The following DOCK2 variants were observed in gnomAD, a reference collection of about 807,000 sequenced individuals.
DOCK2 encodes dedicator of cytokinesis protein 2.
A neutral mutation model predicts 248.9 loss-of-function variants in DOCK2; 87 were observed. The observed-to-expected ratio is 0.35, with a 90% CI of 0.29 to 0.42. DOCK2 has a LOEUF of 0.42. Among genes scored for constraint, DOCK2 ranks in the 10% least tolerant of loss-of-function variants. The pLI, the probability that DOCK2 is intolerant of heterozygous loss-of-function variation, is 1.00. For missense variants in DOCK2, 1,747 were observed against 2,300.2 expected, an observed-to-expected ratio of 0.76 and a Z score of 4.92; for synonymous variants, 805 against 821.6, an observed-to-expected ratio of 0.98 and a Z score of 0.35.
chr5:169,708,731 A>G (rs567611274), intron 15 of DOCK2, among the ~76,000 whole-genome samples: 1 of 152,082 alleles, frequency 6.6e-6, no homozygotes, highest in East Asian at 1.9e-4. Flanking sequence ...CACCAGGCTA[A>G]TTTTTGTGTT....
chr5:170,031,659 C>G (rs1175375583), intron 34 of DOCK2, among the ~76,000 whole-genome samples: 1 of 152,140 alleles, frequency 6.6e-6, no homozygotes, highest in Non-Finnish European at 1.5e-5. Context: ...AGACTGTGAT[C>G]TCCTGGAACT....
chr5:169,682,321 CAGGCCTGGG>C (rs1353831626), intron 7 of DOCK2, among the ~76,000 whole-genome samples: 1 of 152,220 alleles, frequency 6.6e-6, no homozygotes, highest in Non-Finnish European at 1.5e-5. Context: ...GTGAGGGCAC[CAGGCCTGGG>C]ATGATCTGGG....
chr5:169,884,387 G>A (rs1330541437), intron 27 of DOCK2: 1 of 152,678 alleles, frequency 6.5e-6, no homozygotes, highest in East Asian at 1.9e-4. Context: ...TAATTTCCAG[G>A]GTGAAACTGC....
chr5:169,994,497 C>T (rs899626023), intron 29 of DOCK2, among the ~76,000 whole-genome samples: 1 of 152,042 alleles, frequency 6.6e-6, no homozygotes, highest in African/African-American at 2.4e-5. Context: ...AAAGTGTGCT[C>T]ATAGGAGGGG....
intron 27 of DOCK2, chr5:169,875,436 T>A: frequency 2.6e-6 from 1 of 386,124 alleles, no homozygotes; most frequent in South Asian, 1.9e-5. Context: ...TCAGTGACAA[T>A]CGAACATTCC....
intron 6 of DOCK2, among the ~76,000 whole-genome samples, chr5:169,679,922 C>A (rs750196646): frequency 1.8e-4 from 28 of 152,200 alleles, no homozygotes; most frequent in Non-Finnish European, 3.8e-4. Context: ...TTAGTAGTCG[C>A]AACCAAGCAG....
At chr5:169,776,760 C>G (rs1765409851) in intron 25 of DOCK2, among the ~76,000 whole-genome samples, 1 of 152,198 alleles carries the variant, frequency 6.6e-6, no homozygotes, top group Non-Finnish European at 1.5e-5. Flanking sequence ...AGGCTTCCCC[C>G]TTTGCTCGCC....
At chr5:169,983,300 C>T in intron 28 of DOCK2, 134 bp downstream of exon 28, 1 of 953,034 alleles carries the variant, frequency 1.0e-6, no homozygotes, top group Non-Finnish European at 1.6e-6. Flanking sequence ...TGATGAATCA[C>T]AGACATTTTG....
chr5:169,905,414 G>C (rs1774222214), intron 27 of DOCK2, among the ~76,000 whole-genome samples: 1 of 152,112 alleles, frequency 6.6e-6, no homozygotes, highest in African/African-American at 2.4e-5. Context: ...CTGAAAGCCA[G>C]CTGCCCCTTG....
rs1378958056 is a variant in DOCK2, at chr5:169,864,343, G to T, written c.2799+23491G>T. 8 of 1,551,378 alleles carry T rather than the reference G, an allele frequency of 5.2e-6. No homozygotes were observed. The Admixed American group carries it at 1.4e-4, about 27-fold the overall frequency. The stretch of plus-strand genomic sequence containing the variant: ...CCTTAAGTCCTGCTTTTCCGGGGCT[G>T]GGGGTTCTGCTGGGGACTTTGGTGG... On this transcript the variant is annotated intron_variant, in intron 27 of 51. Transcript: ENST00000520908.
At chr5:169,782,730 AG>A (rs1765782246) in intron 25 of DOCK2, among the ~76,000 whole-genome samples, 1 of 152,130 alleles carries the variant, frequency 6.6e-6, no homozygotes, top group Admixed American at 6.6e-5. Context: ...CCTTGCCTAG[AG>A]GGGATTTCAT....
chr5:169,745,038 G>T (rs933527372), intron 22 of DOCK2, among the ~76,000 whole-genome samples: 2 of 152,210 alleles, frequency 1.3e-5, no homozygotes, highest in East Asian at 3.9e-4. Flanking sequence ...TAGCAGCCAT[G>T]GTGATGGAAT....
chr5:169,958,523 G>T (rs1776955218), intron 27 of DOCK2, among the ~76,000 whole-genome samples: 1 of 151,874 alleles, frequency 6.6e-6, no homozygotes, highest in Non-Finnish European at 1.5e-5. Context: ...CATTAGCCCA[G>T]CCCCCTTTCC....
At chr5:169,921,024 A>G (rs1469304413) in intron 27 of DOCK2, among the ~76,000 whole-genome samples, 2 of 152,202 alleles carry the variant, frequency 1.3e-5, no homozygotes, top group Admixed American at 1.3e-4. Flanking sequence ...TTGCAAGAAT[A>G]TGTTTTATTC....
intron 19 of DOCK2, 143 bp from the exon 20 acceptor site, chr5:169,716,070 G>A: frequency 1.4e-6 from 1 of 707,186 alleles, no homozygotes; most frequent in Non-Finnish European, 2.3e-6. Context: ...GCTCTCGTGA[G>A]TAAAACTACT....
chr5:170,047,755 C>A, intron 40 of DOCK2, 141 bp downstream of exon 40: 1 of 661,872 alleles, frequency 1.5e-6, no homozygotes, highest in Non-Finnish European at 2.5e-6. Context: ...CCCCAGGAGA[C>A]TCCCCAGTCA....
intron 25 of DOCK2, among the ~76,000 whole-genome samples, chr5:169,790,700 C>T (rs138187001): frequency 5.3e-5 from 8 of 152,320 alleles, no homozygotes; most frequent in African/African-American, 7.2e-5. Flanking sequence ...AGCATTGGAT[C>T]CCAATGCCTC....
At chr5:170,066,287 TA>T (rs1008907613) in intron 44 of DOCK2, among the ~76,000 whole-genome samples, 5 of 149,102 alleles carry the variant, frequency 3.4e-5, no homozygotes, top group Admixed American at 1.3e-4. Flanking sequence ...TGAAAAACTG[TA>T]AAAAAAAACA....
intron 29 of DOCK2, among the ~76,000 whole-genome samples, chr5:169,995,159 G>T (rs1754567897): frequency 1.3e-5 from 2 of 151,704 alleles, no homozygotes; most frequent in Admixed American, 1.3e-4. Context: ...TTCCCAAGTA[G>T]CTGGGATTAC....
Sources: allele counts gnomAD v4.1 joint callset (sites outside exome capture counted in the v4.1 genomes callset), GRCh38; gene constraint gnomAD v4.1.1; transcripts MANE v1.5; gene names NCBI Gene and HGNC (gene_info 2026-07-23, HGNC 2026-07-21).